The following RANBP2 variants were observed in gnomAD, a reference collection of about 807,000 sequenced individuals.
RANBP2 encodes RAN binding protein 2, also known as E3 SUMO-protein ligase RanBP2.
RANBP2 carries 57 observed loss-of-function variants against 303.6 expected under a neutral mutation model. That is an observed-to-expected ratio of 0.19 (90% CI 0.15 to 0.23). RANBP2 has a LOEUF of 0.23. Ranked by LOEUF, RANBP2 falls within the 10% of genes least tolerant of loss-of-function variation. The probability of loss-of-function intolerance (pLI) is 1.00; values close to 1 mark genes in which losing one functional copy is unlikely to be tolerated. For synonymous variants in RANBP2, 1,167 were observed against 1,301.5 expected (o/e 0.90, Z 2.23); for missense variants, 3,138 against 3,780.8 (o/e 0.83, Z 4.46).
At chr2:109,246,204 C>A in the RANBP2 span, among the ~76,000 whole-genome samples, 3 of 152,194 alleles carry the variant, frequency 2.0e-5, no homozygotes, top group African/African-American at 7.2e-5. Flanking sequence ...AACAAAATAC[C>A]GTAAACGCAG....
At chr2:109,033,613 A>ATC in the RANBP2 span, among the ~76,000 whole-genome samples, 14 of 152,282 alleles carry the variant, frequency 9.2e-5, no homozygotes, top group South Asian at 2.9e-3. Flanking sequence ...AATGTAGGGT[A>ATC]TCTCATTGTC....
chr2:108,726,620 TTTA>T (rs1470577468), intron 1 of RANBP2, among the ~76,000 whole-genome samples: 10 of 151,868 alleles, frequency 6.6e-5, no homozygotes, highest in Non-Finnish European at 1.2e-4. Flanking sequence ...CACCTTGCTT[TTTA>T]TTATTATTAT....
the RANBP2 span, among the ~76,000 whole-genome samples, chr2:109,331,440 A>G: frequency 6.6e-6 from 1 of 151,916 alleles, no homozygotes; most frequent in Non-Finnish European, 1.5e-5. Context: ...CAGGTTTGCA[A>G]CTTCTCCCTG....
the RANBP2 span, among the ~76,000 whole-genome samples, chr2:109,428,165 G>T: frequency 1.3e-5 from 2 of 152,348 alleles, no homozygotes; most frequent in Admixed American, 1.3e-4. Context: ...CGTGGCCCTG[G>T]GAGAAAAGTA....
At chr2:109,678,423 C>G in the RANBP2 span, among the ~76,000 whole-genome samples, 13 of 152,200 alleles carry the variant, frequency 8.5e-5, no homozygotes, top group Admixed American at 7.2e-4. Flanking sequence ...GGGGTGCTCC[C>G]CACACCCCTC....
At chr2:108,876,247 C>G in the RANBP2 span, 1 of 1,580,258 alleles carries the variant, frequency 6.3e-7, no homozygotes, top group South Asian at 1.2e-5. Context: ...CCAGTGCAAG[C>G]CCTTAGACTG....
chr2:109,748,872 C>CAATAAATAAATAAATAAATA, the RANBP2 span, among the ~76,000 whole-genome samples: 1 of 45,016 alleles, frequency 2.2e-5, no homozygotes, highest in Non-Finnish European at 6.2e-5. Flanking sequence ...GACTCCATCT[C>CAATAAATAAATAAATAAATA]AATAAATAAA....
chr2:108,845,743 T>C, the RANBP2 span, among the ~76,000 whole-genome samples: 3 of 152,174 alleles, frequency 2.0e-5, no homozygotes, highest in East Asian at 5.8e-4. Flanking sequence ...GGCTATTTTT[T>C]TGTATTTTTA....
the RANBP2 span, among the ~76,000 whole-genome samples, chr2:109,653,887 G>A: frequency 6.6e-6 from 1 of 152,176 alleles, no homozygotes; most frequent in Non-Finnish European, 1.5e-5. Flanking sequence ...ATTGGTAAAT[G>A]TAGTCCAGTC....
the RANBP2 span, among the ~76,000 whole-genome samples, chr2:109,566,341 G>A: frequency 2.0e-5 from 3 of 151,792 alleles, no homozygotes; most frequent in South Asian, 4.2e-4. Context: ...GGCTTGTCTC[G>A]AACTCCTGAC....
In RANBP2 at chr2:108,765,440, A is replaced by G; in HGVS notation, c.4901A>G (p.Lys1634Arg). ...TGTATTGCTTGTCAGAATCCAGGTA[A>G]ACAAAATCAAACTACTTCTGCAGTT... ...TKCIACQNPG[K>R]QNQTTSAVST... is the part of the protein sequence containing the mutation. The change falls in exon 20 of 29, where the codon AAA (lysine) becomes AGA (arginine). Residue 1634 changes from lysine (K) to arginine (R), a missense_variant. Physicochemically the swap from Lys to Arg is conservative, Grantham distance 26. Transcript: ENST00000283195. 1 of 1,508,536 alleles carries G rather than the reference A, an allele frequency of 6.6e-7. No individual in the cohort carries two copies. The highest frequency in any genetic ancestry group is 8.9e-7 in the Non-Finnish European group (1 of 1,128,166). The allele number at this position is 1,508,536 out of a possible 1,614,324, so 93.4% of individuals were successfully genotyped here.
chr2:108,746,877 A>C, intron 8 of RANBP2, 79 bp downstream of exon 8: 1 of 610,930 alleles, frequency 1.6e-6, no homozygotes, highest in East Asian at 2.8e-5. Flanking sequence ...TAAAATCTTC[A>C]TCTGTCCAGG....
the RANBP2 span, among the ~76,000 whole-genome samples, chr2:109,187,177 C>A: frequency 6.6e-6 from 1 of 152,222 alleles, no homozygotes; most frequent in East Asian, 1.9e-4. Context: ...GTCGTCATTA[C>A]AAGAAAGTAT....
At chr2:109,021,295 G>C in the RANBP2 span, among the ~76,000 whole-genome samples, 1 of 151,998 alleles carries the variant, frequency 6.6e-6, no homozygotes, top group Admixed American at 6.6e-5. Context: ...AGGCTGAGGC[G>C]GGTGGATCAC....
At chr2:109,433,277 T>C in the RANBP2 span, among the ~76,000 whole-genome samples, 1 of 152,282 alleles carries the variant, frequency 6.6e-6, no homozygotes, top group African/African-American at 2.4e-5. Flanking sequence ...AAAAATGATA[T>C]CTTCCCAAAG....
chr2:109,174,453 C>T, the RANBP2 span, among the ~76,000 whole-genome samples: 2 of 152,186 alleles, frequency 1.3e-5, no homozygotes, highest in Non-Finnish European at 2.9e-5. Context: ...GAGTGGTGCC[C>T]TGATCAGAGT....
the RANBP2 span, among the ~76,000 whole-genome samples, chr2:109,367,728 T>C: frequency 6.6e-6 from 1 of 152,234 alleles, no homozygotes; most frequent in South Asian, 2.1e-4. Context: ...TTGTCTCTAG[T>C]TTTTCTCTAG....
At chr2:109,117,724 C>T in the RANBP2 span, among the ~76,000 whole-genome samples, 8 of 135,650 alleles carry the variant, frequency 5.9e-5, no homozygotes, top group East Asian at 6.2e-4. Context: ...CCGTCTTCTG[C>T]GTCGCTCACG....
chr2:109,085,417 C>A, the RANBP2 span, among the ~76,000 whole-genome samples: 1 of 152,084 alleles, frequency 6.6e-6, no homozygotes, highest in Admixed American at 6.5e-5. Flanking sequence ...CATTCTCCTG[C>A]CTCAGCCTCC....
Sources: gnomAD v4.1 joint callset for allele counts (sites outside exome capture counted in the v4.1 genomes callset) on GRCh38, gnomAD v4.1.1 for gene constraint, MANE v1.5 for transcripts, NCBI Gene and HGNC (gene_info 2026-07-23, HGNC 2026-07-21) for gene names.